Variants in ATAD2 observed in about 807,000 individuals in gnomAD.
ATAD2 encodes the protein ATPase family AAA domain-containing protein 2.
Under a neutral mutation model 168.9 loss-of-function variants are expected in ATAD2, and 62 were observed. That is an observed-to-expected ratio of 0.37 (90% CI 0.30 to 0.45). The LOEUF (loss-of-function observed/expected upper bound fraction) is 0.45, where lower values mean the gene tolerates loss of function less well. Ranked by LOEUF, ATAD2 falls within the 20% of genes least tolerant of loss-of-function variation. The pLI is 1.00. For missense variants in ATAD2, 1,419 were observed against 1,667.8 expected (o/e 0.85, Z 2.60); for synonymous variants, 613 against 571.6 (o/e 1.07, Z -1.03).
At chr8:123,409,020 G>C (rs980406487) in intron 1 of ATAD2, among the ~76,000 whole-genome samples, 1 of 151,146 alleles carries the variant, frequency 6.6e-6, no homozygotes, top group African/African-American at 2.4e-5. Flanking sequence ...TAGAGACGGG[G>C]TTTTGCTGTG....
At chr8:123,342,545 A>C (rs1271637539) in intron 19 of ATAD2, 2 of 152,234 alleles carry the variant, frequency 1.3e-5, no homozygotes, top group Non-Finnish European at 2.9e-5. Context: ...TAGGAGTCAA[A>C]GGTAACAAAA....
At chr8:123,342,767 G>A (rs961168031) in intron 19 of ATAD2, among the ~76,000 whole-genome samples, 37 of 152,198 alleles carry the variant, frequency 2.4e-4, no homozygotes, top group South Asian at 1.0e-3. Context: ...GACATAATCT[G>A]GTCCCTTGAT....
At chr8:123,389,979 TATATA>T (rs1205125046) in intron 1 of ATAD2, among the ~76,000 whole-genome samples, 12 of 110,256 alleles carry the variant, frequency 1.1e-4, no homozygotes, top group African/African-American at 5.6e-4. Context: ...TATATATATA[TATATA>T]TTTTTTTTTT....
In ATAD2 at chr8:123,402,607, C is replaced by A. The variant is rs1252225255; in HGVS notation, c.-2281-1432G>T. Among the ~76,000 whole-genome samples the A allele has an allele frequency of 1.3e-5, 2 of 152,236 alleles. No homozygotes were observed. Among genetic ancestry groups the A allele is most frequent in the African/African-American group, 2.4e-5 (1 of 41,520 alleles). ...TGGGCTACCCTTGGGTCCTGCTCCT[C>A]AGGCCACTCCCCTGTCCCTGGCCCT... On this transcript the variant is annotated intron_variant, in intron 1 of 28. Transcript: ENST00000521903. This position sits in a 1 kb window ranked among gnomAD's most constrained non-coding sequence, Gnocchi z 4.8.
intron 19 of ATAD2, among the ~76,000 whole-genome samples, chr8:123,341,866 C>T (rs1034358702): frequency 1.3e-5 from 2 of 152,180 alleles, no homozygotes; most frequent in Non-Finnish European, 2.9e-5. Flanking sequence ...CACAGTGGCT[C>T]ACCTGAGGTC....
chr8:123,401,593 G>A, intron 1 of ATAD2: 2 of 1,286,366 alleles, frequency 1.6e-6, no homozygotes, highest in Non-Finnish European at 2.2e-6. Flanking sequence ...GCATGTGGTT[G>A]CCCCCAGGGC....
intron 1 of ATAD2, among the ~76,000 whole-genome samples, chr8:123,392,276 A>C (rs2129957952): frequency 6.6e-6 from 1 of 152,308 alleles, no homozygotes; most frequent in African/African-American, 2.4e-5. Context: ...TTAAAAATAG[A>C]AAAGTACAGA....
At position 123,320,867 on chromosome 8, in the gene ATAD2, CTTTA is replaced by C. The variant is rs1006815623; in HGVS notation, c.*263_*266del. On this transcript the variant is annotated 3_prime_UTR_variant, in exon 28 of 28. Coordinates refer to ENST00000287394, the MANE Select transcript of ATAD2 (RefSeq NM_014109.4). ...CATAAAACATTAGTTACCAAAATAA[CTTTA>C]TTAAGAGTTGGCCAAACTTCAACTA... is the stretch of plus-strand genomic sequence containing the variant. The C allele has an allele frequency of 5.6e-6, 2 of 354,892 alleles. No individual in the cohort carries two copies. Among genetic ancestry groups the C allele is most frequent in the Non-Finnish European group, 1.0e-5 (2 of 200,362 alleles). 22.0% of individuals were successfully genotyped at this position (354,892 alleles called of 1,614,324 possible). A position where few individuals can be genotyped will look rare whatever the true frequency, so the allele number is the denominator to read the frequency against.
chr8:123,321,037 A>G lies in ATAD2; in HGVS notation c.*97T>C. 1 of 1,031,814 alleles carries G rather than the reference A, an allele frequency of 9.7e-7. No homozygotes were observed. The allele number at this position is 1,031,814 out of a possible 1,614,324, so 63.9% of individuals were successfully genotyped here. A position where few individuals can be genotyped will look rare whatever the true frequency, so the allele number is the denominator to read the frequency against. ...ATTTTACTATTTTAATCTTTTCCTT[A>G]AAGATGCAGGGTTTCATACTACATC... is the stretch of plus-strand genomic sequence containing the variant. On this transcript the variant is annotated 3_prime_UTR_variant, in exon 28 of 28. Coordinates refer to ENST00000287394, the MANE Select transcript of ATAD2 (RefSeq NM_014109.4).
intron 13 of ATAD2, among the ~76,000 whole-genome samples, chr8:123,350,722 G>GC (rs1563844413): frequency 6.6e-6 from 1 of 151,600 alleles, no homozygotes; most frequent in Non-Finnish European, 1.5e-5. Context: ...AGATCTAGAA[G>GC]CTTTTTTTTT....
At chr8:123,359,502 G>T in intron 10 of ATAD2, 75 bp downstream of exon 10, 2 of 1,390,752 alleles carry the variant, frequency 1.4e-6, no homozygotes, top group Non-Finnish European at 2.0e-6. Context: ...AAAATCATTG[G>T]TTCCTTTTTT....
At chr8:123,381,302 C>T (rs1053075860) in intron 1 of ATAD2, among the ~76,000 whole-genome samples, 1 of 152,012 alleles carries the variant, frequency 6.6e-6, no homozygotes, top group Non-Finnish European at 1.5e-5. Flanking sequence ...AGTTCCAGAA[C>T]AACATGGGCA....
chr8:123,367,416 T>C (rs576789741), intron 8 of ATAD2, among the ~76,000 whole-genome samples: 7 of 152,134 alleles, frequency 4.6e-5, no homozygotes, highest in African/African-American at 1.4e-4. Context: ...GATTTCCTCT[T>C]AAACAAAACA....
At chr8:123,372,326 A>G (rs531557844) in intron 3 of ATAD2, among the ~76,000 whole-genome samples, 34 of 152,250 alleles carry the variant, frequency 2.2e-4, no homozygotes, top group Non-Finnish European at 4.3e-4. Flanking sequence ...AACAGATTCT[A>G]AAATGAATGG....
rs1298018731 is a variant in ATAD2, at chr8:123,402,269, C to G, written c.-2281-1094G>C. Among the ~76,000 whole-genome samples the G allele has an allele frequency of 6.6e-6, 1 of 152,110 alleles. No homozygotes were observed. ...AAGTTGTGAGGGGTCTGTGACCCCTCGCTGGGCATCCCCTGCAGAGTCAGG... is the reference window on the plus strand; with the variant it reads ...AAGTTGTGAGGGGTCTGTGACCCCTGGCTGGGCATCCCCTGCAGAGTCAGG... On this transcript the variant is annotated intron_variant, in intron 1 of 28. Transcript: ENST00000521903. This position sits in a 1 kb window ranked among gnomAD's most constrained non-coding sequence, Gnocchi z 4.8.
At chr8:123,372,892 CTTTTT>C (rs766308467) in intron 2 of ATAD2, among the ~76,000 whole-genome samples, 1 of 137,936 alleles carries the variant, frequency 7.2e-6, no homozygotes. Flanking sequence ...ATCCAGCTAA[CTTTTT>C]TTTTTTTTTT....
At chr8:123,385,816 T>C (rs138990488) in intron 1 of ATAD2, among the ~76,000 whole-genome samples, 36 of 151,646 alleles carry the variant, frequency 2.4e-4, no homozygotes, top group Non-Finnish European at 5.0e-4. Context: ...CATACATATA[T>C]ATATCTCCAG....
intron 21 of ATAD2, among the ~76,000 whole-genome samples, chr8:123,337,053 C>CAA (rs58960333): frequency 1.6e-3 from 102 of 61,896 alleles, no homozygotes; most frequent in Middle Eastern, 0.019. Context: ...ACCCTTACTA[C>CAA]AAAAAAAAAA....
In ATAD2 at chr8:123,347,247, A is replaced by T. The variant is rs776507561; in HGVS notation, c.2057T>A (p.Met686Lys). ...CACAGCTCTTTGGGAGGCTGGTATC[A>T]TCTTTTGCATAGCTACCTCGAAATC... ...AKDFEVAMQK[M>K]IPASQRAVTS... The change falls in exon 16 of 28, where the codon ATG becomes AAG. Residue 686 changes from methionine to lysine, a missense_variant. Physicochemically the swap from Met to Lys is moderately conservative, Grantham distance 95 (BLOSUM62 -1). This residue lies in a region of ATAD2 where 545 missense variants were observed against 724.9 expected (regional missense o/e 0.75). Transcript: ENST00000287394. 3.6e-5 allele frequency: 58 copies of T among 1,614,048 alleles called. No homozygotes were observed. Among genetic ancestry groups the T allele is most frequent in the Admixed American group, 1.7e-4 (10 of 59,994 alleles).
Sources: gnomAD v4.1 joint callset for allele counts (sites outside exome capture counted in the v4.1 genomes callset) on GRCh38, gnomAD v4.1.1 for gene constraint, gnomAD v4.1.1 regional missense constraint, Gnocchi (gnomAD v3.1) non-coding constraint, MANE v1.5 for transcripts, NCBI Gene and HGNC (gene_info 2026-07-23, HGNC 2026-07-21) for gene names.